MID1: variants seen among roughly 807,000 people sequenced by gnomAD.
MID1 encodes the protein midline 1.
In MID1, 7 loss-of-function variants were observed where a neutral mutation model predicts 40.4. That is an observed-to-expected ratio of 0.17 (90% CI 0.10 to 0.33). The LOEUF (loss-of-function observed/expected upper bound fraction) is 0.33. Among genes scored for constraint, MID1 ranks in the 10% least tolerant of loss-of-function variants. The pLI is 1.00. For synonymous variants in MID1, 229 were observed against 221.2 expected, an observed-to-expected ratio of 1.04 and a Z score of -0.31; for missense variants, 367 against 558.5, an observed-to-expected ratio of 0.66 and a Z score of 3.46.
At chrX:10,733,151 C>T (rs1004139799) in intron 1 of MID1, among the ~76,000 whole-genome samples, 1 of 110,990 alleles carries the variant, frequency 9.0e-6, no homozygotes, top group Non-Finnish European at 1.9e-5. Flanking sequence ...CGTGAGCCAC[C>T]GCGCCCGGCC....
chrX:10,823,278 C>T (rs1380511969), intron 1 of MID1, among the ~76,000 whole-genome samples: 1 of 110,981 alleles, frequency 9.0e-6, no homozygotes, highest in Non-Finnish European at 1.9e-5. Flanking sequence ...ATGATGAGAA[C>T]ACATGGACAC....
intron 4 of MID1, among the ~76,000 whole-genome samples, chrX:10,494,667 AGGAGGCTAAGGCAGGAGGATT>A (rs1931135287): frequency 9.3e-6 from 1 of 107,531 alleles, no homozygotes; most frequent in East Asian, 3.0e-4. Context: ...CCAGCTACTC[AGGAGGCTAAGGCAGGAGGATT>A]GTCTGAGCCC....
At chrX:10,775,106 G>A (rs1241299946) in intron 1 of MID1, among the ~76,000 whole-genome samples, 2 of 104,191 alleles carry the variant, frequency 1.9e-5, no homozygotes, top group Admixed American at 1.1e-4. Flanking sequence ...TGAAAAAGAG[G>A]GAGGAGGGAT....
At chrX:10,474,003 T>C (rs1929861391) in intron 6 of MID1, among the ~76,000 whole-genome samples, 1 of 112,007 alleles carries the variant, frequency 8.9e-6, no homozygotes. Flanking sequence ...GGAATTCCAA[T>C]GTAAATTTGT....
At chrX:10,656,154 T>C (rs1251363407) in intron 1 of MID1, among the ~76,000 whole-genome samples, 2 of 112,264 alleles carry the variant, frequency 1.8e-5, no homozygotes, top group Non-Finnish European at 3.8e-5. Context: ...ACTAAAATCA[T>C]AGAGCTTCTT....
intron 2 of MID1, among the ~76,000 whole-genome samples, chrX:10,532,753 G>A (rs1933019665): frequency 9.5e-6 from 1 of 105,013 alleles, no homozygotes; most frequent in Admixed American, 1.0e-4. Context: ...TTTTTGTGTG[G>A]CTTGTTAGCT....
At chrX:10,523,580 A>C (rs762398288) in intron 2 of MID1, among the ~76,000 whole-genome samples, 1 of 112,462 alleles carries the variant, frequency 8.9e-6, no homozygotes, top group Non-Finnish European at 1.9e-5. Flanking sequence ...TGGATTTTTC[A>C]GATTTATCCT....
intron 1 of MID1, among the ~76,000 whole-genome samples, chrX:10,633,850 GAAGGTAGATGAA>G: frequency 9.0e-6 from 1 of 111,725 alleles, no homozygotes; most frequent in East Asian, 2.8e-4. Flanking sequence ...TTGAACAGAA[GAAGGTAGATGAA>G]AAGATTTCCT....
intron 1 of MID1, among the ~76,000 whole-genome samples, chrX:10,727,894 C>G (rs985945381): frequency 8.9e-6 from 1 of 111,771 alleles, no homozygotes; most frequent in Non-Finnish European, 1.9e-5. Flanking sequence ...TGTATTTTGC[C>G]CATGAAATCG....
chrX:10,647,282 C>A (rs1936271604), intron 1 of MID1, among the ~76,000 whole-genome samples: 1 of 111,871 alleles, frequency 8.9e-6, no homozygotes, highest in Non-Finnish European at 1.9e-5. Flanking sequence ...ATTGTTACCA[C>A]CACCACATCT....
intron 1 of MID1, among the ~76,000 whole-genome samples, chrX:10,701,478 G>T (rs1262237139): frequency 8.9e-6 from 1 of 111,812 alleles, no homozygotes. Context: ...CCATTCCGTG[G>T]CTGGTAAATG....
chrX:10,566,874 C>T lies in MID1; in HGVS notation c.660+14G>A, dbSNP rs781258992. 22 of 1,207,314 alleles carry T rather than the reference C, an allele frequency of 1.8e-5. No homozygotes were observed. The highest frequency in any genetic ancestry group is 3.5e-5 in the South Asian group (2 of 56,722). On this transcript the variant is annotated intron_variant, in intron 2 of 9. Transcript: ENST00000317552. The stretch of plus-strand genomic sequence containing the variant: ...CTGGCAGAAAGGGGTTGGCTTAAGG[C>T]GGATCGGACTAACCTTCAATTTGTC...
chrX:10,463,302 C>T (rs1402017841), intron 7 of MID1, among the ~76,000 whole-genome samples: 3 of 112,041 alleles, frequency 2.7e-5, no homozygotes, highest in African/African-American at 9.7e-5. Flanking sequence ...CCTTCACTAA[C>T]GCCAGTTGAA....
chrX:10,601,285 C>T (rs1304045203), intron 1 of MID1, among the ~76,000 whole-genome samples: 1 of 111,752 alleles, frequency 8.9e-6, no homozygotes, highest in Non-Finnish European at 1.9e-5. Flanking sequence ...AACTATAGAC[C>T]ACAGGCCGCC....
chrX:10,529,406 T>C (rs1932899341), intron 2 of MID1, among the ~76,000 whole-genome samples: 1 of 112,363 alleles, frequency 8.9e-6, no homozygotes, highest in Admixed American at 9.4e-5. Flanking sequence ...GTGATTATTG[T>C]CAGAATTCCC....
At chrX:10,655,594 G>A (rs781265302) in intron 1 of MID1, among the ~76,000 whole-genome samples, 2 of 110,707 alleles carry the variant, frequency 1.8e-5, no homozygotes, top group Non-Finnish European at 3.8e-5. Context: ...CACATGAATT[G>A]GTCACAAATT....
At chrX:10,702,224 C>T (rs946853299) in intron 1 of MID1, among the ~76,000 whole-genome samples, 3 of 112,088 alleles carry the variant, frequency 2.7e-5, no homozygotes, top group Non-Finnish European at 5.6e-5. Context: ...ACTGTGGTTT[C>T]GAAATTTCCC....
chrX:10,559,781 C>G (rs1345354626), intron 2 of MID1, among the ~76,000 whole-genome samples: 1 of 111,391 alleles, frequency 9.0e-6, no homozygotes, highest in African/African-American at 3.3e-5. Flanking sequence ...CTATAAGCTC[C>G]ATGAAGGCAG....
intron 1 of MID1, among the ~76,000 whole-genome samples, chrX:10,653,706 A>C (rs2147576828): frequency 8.8e-6 from 1 of 113,226 alleles, no homozygotes; most frequent in South Asian, 3.6e-4. Context: ...AACATAACAA[A>C]ATTTAATTAT....
Sources: gnomAD v4.1 joint callset for allele counts (sites outside exome capture counted in the v4.1 genomes callset) on GRCh38, gnomAD v4.1.1 for gene constraint, MANE v1.5 for transcripts, NCBI Gene and HGNC (gene_info 2026-07-23, HGNC 2026-07-21) for gene names.